C8orf34: variants seen among roughly 807,000 people sequenced by gnomAD.
C8orf34 encodes chromosome 8 open reading frame 34.
In C8orf34, 65 loss-of-function variants were observed where a neutral mutation model predicts 68.3. That is an observed-to-expected ratio of 0.95 (90% CI 0.78 to 1.17). The LOEUF (loss-of-function observed/expected upper bound fraction) is 1.17. Ranked by LOEUF, C8orf34 falls within the 50% of genes most tolerant of loss-of-function variation. The pLI, the probability that C8orf34 is intolerant of heterozygous loss-of-function variation, is 0.00. For missense variants in C8orf34, 664 were observed against 655.4 expected (o/e 1.01, Z -0.14); for synonymous variants, 244 against 241.2 (o/e 1.01, Z -0.11).
chr8:68,786,579 G>GA (rs1823852962), intron 11 of C8orf34, among the ~76,000 whole-genome samples: 1 of 152,182 alleles, frequency 6.6e-6, no homozygotes, highest in Admixed American at 6.5e-5. Flanking sequence ...CCGAGCCTTG[G>GA]AAGAGGAGTG....
At chr8:68,679,015 A>G (rs1156308495) in intron 8 of C8orf34, among the ~76,000 whole-genome samples, 2 of 152,216 alleles carry the variant, frequency 1.3e-5, no homozygotes, top group East Asian at 3.9e-4. Flanking sequence ...AATAGCTACT[A>G]ATAGGCCAGG....
At chr8:68,625,299 C>A (rs565655948) in intron 7 of C8orf34, among the ~76,000 whole-genome samples, 80 of 152,176 alleles carry the variant, frequency 5.3e-4, no homozygotes, top group African/African-American at 1.9e-3. Context: ...CTAATTGATA[C>A]CTTTTTATAT....
At chr8:68,437,195 T>C (rs924837713) in intron 1 of C8orf34, among the ~76,000 whole-genome samples, 2 of 152,188 alleles carry the variant, frequency 1.3e-5, no homozygotes, top group Non-Finnish European at 2.9e-5. Flanking sequence ...TAAAACTTAA[T>C]AGTAATTACT....
intron 7 of C8orf34, among the ~76,000 whole-genome samples, chr8:68,601,421 T>A (rs1327061509): frequency 6.6e-6 from 1 of 152,188 alleles, no homozygotes; most frequent in East Asian, 1.9e-4. Context: ...GTCTTATTTT[T>A]CTCTTTGTTG....
At chr8:68,660,018 T>C (rs1353379695) in intron 8 of C8orf34, among the ~76,000 whole-genome samples, 1 of 152,098 alleles carries the variant, frequency 6.6e-6, no homozygotes, top group East Asian at 1.9e-4. Flanking sequence ...ATAATAACCT[T>C]CCCCCAAGCT....
At chr8:68,420,177 G>A (rs1351834166) in intron 1 of C8orf34, among the ~76,000 whole-genome samples, 1 of 151,444 alleles carries the variant, frequency 6.6e-6, no homozygotes, top group East Asian at 2.0e-4. Context: ...GAGAGGCAAA[G>A]TGATGCTTTT....
At chr8:68,422,461 A>C (rs1303038899) in intron 1 of C8orf34, among the ~76,000 whole-genome samples, 1 of 152,208 alleles carries the variant, frequency 6.6e-6, no homozygotes, top group Non-Finnish European at 1.5e-5. Flanking sequence ...TCCATGTCTC[A>C]CATCAAGGTC....
chr8:68,624,483 A>G (rs1373113038), intron 7 of C8orf34, among the ~76,000 whole-genome samples: 1 of 152,168 alleles, frequency 6.6e-6, no homozygotes, highest in Non-Finnish European at 1.5e-5. Context: ...ATTTAGACAG[A>G]TCAAACTTCA....
intron 2 of C8orf34, among the ~76,000 whole-genome samples, chr8:68,444,981 A>C (rs1811060462): frequency 6.6e-6 from 1 of 152,224 alleles, no homozygotes; most frequent in South Asian, 2.1e-4. Context: ...CAACATAAGG[A>C]GATGACTCCA....
intron 7 of C8orf34, among the ~76,000 whole-genome samples, chr8:68,562,754 T>A (rs1360948601): frequency 1.3e-5 from 2 of 152,238 alleles, no homozygotes; most frequent in African/African-American, 4.8e-5. Context: ...GGTTCACATG[T>A]ACAGGCACCT....
intron 10 of C8orf34, among the ~76,000 whole-genome samples, chr8:68,733,575 T>A (rs1822043718): frequency 6.6e-6 from 1 of 152,220 alleles, no homozygotes; most frequent in Admixed American, 6.5e-5. Context: ...TTATATGATT[T>A]TTTTTTTAAG....
chr8:68,438,943 T>C (rs963245161), intron 1 of C8orf34: 7 of 152,134 alleles, frequency 4.6e-5, no homozygotes, highest in Admixed American at 4.6e-4. Flanking sequence ...TAACAGGGAT[T>C]TTTACAAAAA....
At position 68,669,829 on chromosome 8, in the gene C8orf34, T is replaced by A. The variant is rs1205174669; in HGVS notation, c.1241+29318T>A. 3.3e-5 allele frequency among the ~76,000 whole-genome samples: 5 copies of A among 152,118 alleles called. 1 individual carries two copies. Among genetic ancestry groups the A allele is most frequent in the African/African-American group, 1.2e-4 (5 of 41,454 alleles). Reference sequence around the variant, plus strand: ...GATGGAGTTTTACATCAAGGTGAATTTTCATCTCAGGCCACTGTCATTTCA... The same window carrying A: ...GATGGAGTTTTACATCAAGGTGAATATTCATCTCAGGCCACTGTCATTTCA... On this transcript the variant is annotated intron_variant, in intron 8 of 13. Transcript: ENST00000518698.
intron 4 of C8orf34, among the ~76,000 whole-genome samples, chr8:68,479,067 G>T (rs1244829967): frequency 1.3e-5 from 2 of 152,208 alleles, no homozygotes; most frequent in East Asian, 1.9e-4. Context: ...AATATAAAGG[G>T]TGTATATTTG....
intron 7 of C8orf34, among the ~76,000 whole-genome samples, chr8:68,634,567 C>T (rs571155081): frequency 1.3e-5 from 2 of 152,280 alleles, no homozygotes; most frequent in Admixed American, 1.3e-4. Flanking sequence ...TTCTTAATTA[C>T]TTAATCCTAG....
intron 7 of C8orf34, among the ~76,000 whole-genome samples, chr8:68,614,964 T>C (rs1291258824): frequency 6.6e-6 from 1 of 152,256 alleles, no homozygotes; most frequent in African/African-American, 2.4e-5. Flanking sequence ...TTTTATTTCA[T>C]TGAGCAGTGG....
In C8orf34 at chr8:68,516,139, T is replaced by A. The variant is rs530349321; in HGVS notation, c.766-5660T>A. 2.6e-5 allele frequency among the ~76,000 whole-genome samples: 4 copies of A among 152,302 alleles called. No homozygotes were observed. The South Asian group carries it at 8.3e-4, about 32-fold the overall frequency. The stretch of plus-strand genomic sequence containing the variant: ...AATATTTCATTTAAAAAAATGACCA[T>A]CTTGTAGACATTCTTCTTATATGGC... On this transcript the variant is annotated intron_variant, in intron 5 of 13. Transcript: ENST00000518698.
intron 5 of C8orf34, among the ~76,000 whole-genome samples, chr8:68,516,414 T>C (rs1232829473): frequency 6.6e-6 from 1 of 152,118 alleles, no homozygotes; most frequent in African/African-American, 2.4e-5. Flanking sequence ...CAAGAGGAAA[T>C]AGAGTCACAT....
At chr8:68,811,322 G>A (rs1824643536) in intron 12 of C8orf34, among the ~76,000 whole-genome samples, 1 of 152,182 alleles carries the variant, frequency 6.6e-6, no homozygotes, top group African/African-American at 2.4e-5. Context: ...CAGGCAGCGG[G>A]AGCAGTCACT....
Sources: allele counts gnomAD v4.1 joint callset (sites outside exome capture counted in the v4.1 genomes callset), GRCh38; gene constraint gnomAD v4.1.1; transcripts MANE v1.5; gene names NCBI Gene and HGNC (gene_info 2026-07-23, HGNC 2026-07-21).